Variants in PLXNA4 observed in about 807,000 individuals in gnomAD.
The protein encoded by PLXNA4 is plexin A4.
Under a neutral mutation model 191.8 loss-of-function variants are expected in PLXNA4, and 44 were observed. That is an observed-to-expected ratio of 0.23 (90% CI 0.18 to 0.29). PLXNA4 has a LOEUF of 0.29. Among genes scored for constraint, PLXNA4 ranks in the 10% least tolerant of loss-of-function variants. The pLI, the probability that PLXNA4 is intolerant of heterozygous loss-of-function variation, is 1.00. For synonymous variants in PLXNA4, 1,082 were observed against 1,009.5 expected (o/e 1.07, Z -1.36); for missense variants, 1,800 against 2,488.8 (o/e 0.72, Z 5.89).
At chr7:132,359,208 GCTT>G (rs1394452912) in intron 3 of PLXNA4, among the ~76,000 whole-genome samples, 1 of 129,316 alleles carries the variant, frequency 7.7e-6, no homozygotes, top group Non-Finnish European at 1.6e-5. Context: ...AGTCAAGGCT[GCTT>G]TTTTTTTTTT....
intron 1 of PLXNA4, among the ~76,000 whole-genome samples, chr7:132,572,358 C>A (rs1802016408): frequency 6.6e-6 from 1 of 152,172 alleles, no homozygotes; most frequent in South Asian, 2.1e-4. Context: ...ATATTGGCCA[C>A]CATCATCATT....
At chr7:132,464,340 C>A (rs1182432830) in intron 3 of PLXNA4, among the ~76,000 whole-genome samples, 3 of 152,106 alleles carry the variant, frequency 2.0e-5, no homozygotes. Context: ...TCCTCAGTCA[C>A]CAGCTATACC....
At chr7:132,609,204 A>G (rs1428166741) in intron 2 of PLXNA4, among the ~76,000 whole-genome samples, 1 of 152,110 alleles carries the variant, frequency 6.6e-6, no homozygotes, top group Non-Finnish European at 1.5e-5. Flanking sequence ...CAGATTTGCA[A>G]TTCTTTGAGT....
intron 3 of PLXNA4, among the ~76,000 whole-genome samples, chr7:132,371,043 A>T (rs1357714511): frequency 1.3e-5 from 2 of 152,060 alleles, no homozygotes; most frequent in Admixed American, 6.6e-5. Flanking sequence ...TGGAAAGGAG[A>T]TCCCAGAGAA....
intron 1 of PLXNA4, among the ~76,000 whole-genome samples, chr7:132,563,504 C>T (rs1801476834): frequency 4.2e-5 from 3 of 72,030 alleles, no homozygotes; most frequent in South Asian, 1.1e-3. Flanking sequence ...TTCTCCTCCT[C>T]CTCCTCCTCC....
intron 3 of PLXNA4, among the ~76,000 whole-genome samples, chr7:132,379,070 C>T (rs1483594318): frequency 1.3e-5 from 2 of 152,074 alleles, no homozygotes; most frequent in Non-Finnish European, 2.9e-5. Context: ...AAACTGGTCT[C>T]GAACTCCTGA....
At chr7:132,195,323 T>C (rs1357632064) in intron 13 of PLXNA4, among the ~76,000 whole-genome samples, 1 of 152,228 alleles carries the variant, frequency 6.6e-6, no homozygotes, top group Non-Finnish European at 1.5e-5. Flanking sequence ...TCACAGTATT[T>C]CATCTGATGA....
intron 12 of PLXNA4, among the ~76,000 whole-genome samples, chr7:132,199,001 TC>T (rs563357508): frequency 7.2e-5 from 11 of 152,252 alleles, no homozygotes; most frequent in Non-Finnish European, 1.2e-4. Flanking sequence ...TAAAAACCCC[TC>T]CTATCCATTC....
intron 3 of PLXNA4, among the ~76,000 whole-genome samples, chr7:132,445,614 C>T (rs1795877449): frequency 1.3e-5 from 2 of 152,276 alleles, no homozygotes; most frequent in South Asian, 4.2e-4. Context: ...TGGCATTTTT[C>T]ACGCCAAAAT....
In PLXNA4 at chr7:132,610,700, C is replaced by T. The variant is rs187473872; in HGVS notation, c.-87+35228G>A. Among the ~76,000 whole-genome samples, 551 of 152,324 alleles carry T rather than the reference C, an allele frequency of 3.6e-3. 3 individuals carry two copies. The highest frequency in any genetic ancestry group is 5.8e-3 in the Non-Finnish European group (395 of 68,040). On this transcript the variant is annotated intron_variant, in intron 2 of 4. Transcript: ENST00000378539. ...CCCAACCCAAAGTGCATCATTTAAACCCCAGATGTCATTCATTCTTATCTG... is the reference window on the plus strand; with the variant it reads ...CCCAACCCAAAGTGCATCATTTAAATCCCAGATGTCATTCATTCTTATCTG...
At chr7:132,192,369 G>C (rs1797118406) in intron 14 of PLXNA4, among the ~76,000 whole-genome samples, 1 of 152,064 alleles carries the variant, frequency 6.6e-6, no homozygotes, top group African/African-American at 2.4e-5. Context: ...ATTGTGCAAG[G>C]TGATCAATGG....
At position 132,611,876 on chromosome 7, in the gene PLXNA4, C is replaced by A. The variant is rs545731860; in HGVS notation, c.-87+34052G>T. Among the ~76,000 whole-genome samples, 7 of 152,242 alleles carry A rather than the reference C, an allele frequency of 4.6e-5. No homozygotes were observed. In the South Asian group the frequency reaches 1.5e-3, roughly 32 times the overall value. ...TTTTAACAGGCAGGGCACATTCTTT[C>A]CCCTAAAAAAGGCTGGAAGGAGGGA... On this transcript the variant is annotated intron_variant, in intron 2 of 4. Coordinates refer to the PLXNA4 transcript ENST00000378539.
chr7:132,326,339 C>G (rs1020917513), intron 3 of PLXNA4, among the ~76,000 whole-genome samples: 4 of 152,202 alleles, frequency 2.6e-5, no homozygotes, highest in African/African-American at 9.7e-5. Context: ...TACAACAAAC[C>G]TCTTTATGTA....
intron 25 of PLXNA4, 127 bp downstream of exon 25, chr7:132,159,346 T>C: frequency 1.4e-6 from 2 of 1,460,438 alleles, no homozygotes; most frequent in South Asian, 1.3e-5. Flanking sequence ...CAGCCATGCC[T>C]GACTCCCTCC....
intron 2 of PLXNA4, among the ~76,000 whole-genome samples, chr7:132,629,717 CTA>C (rs1416099114): frequency 6.6e-6 from 1 of 152,218 alleles, no homozygotes; most frequent in Non-Finnish European, 1.5e-5. Context: ...GGCTAGAAAA[CTA>C]AGATCAGCAT....
At chr7:132,146,723 C>A in intron 27 of PLXNA4, 23 bp from the exon 28 acceptor site, 1 of 1,612,650 alleles carries the variant, frequency 6.2e-7, no homozygotes, top group African/African-American at 1.3e-5. Context: ...GGATCACCCC[C>A]CGACATATGT....
intron 25 of PLXNA4, among the ~76,000 whole-genome samples, chr7:132,157,445 G>C (rs1181494686): frequency 6.6e-6 from 1 of 152,190 alleles, no homozygotes; most frequent in Non-Finnish European, 1.5e-5. Context: ...CTTTTTAAGG[G>C]AGTGATTTAA....
chr7:132,278,112 G>A (rs1235354062), intron 4 of PLXNA4, among the ~76,000 whole-genome samples: 3 of 152,208 alleles, frequency 2.0e-5, no homozygotes, highest in Admixed American at 1.3e-4. Context: ...TGTGAAAAGA[G>A]TTATTTTCTA....
chr7:132,561,604 CCTT>C (rs1452370285), intron 1 of PLXNA4, among the ~76,000 whole-genome samples: 2 of 128,244 alleles, frequency 1.6e-5, no homozygotes, highest in African/African-American at 3.0e-5. Context: ...TCTTCCTCCT[CCTT>C]CTCTTCCTCC....
Sources: allele counts gnomAD v4.1 joint callset (sites outside exome capture counted in the v4.1 genomes callset), GRCh38; gene constraint gnomAD v4.1.1; transcripts MANE v1.5; gene names NCBI Gene and HGNC (gene_info 2026-07-23, HGNC 2026-07-21).